TDRD5: variants seen among roughly 807,000 people sequenced by gnomAD.
The protein encoded by TDRD5 is tudor domain containing 5.
A neutral mutation model predicts 120.6 loss-of-function variants in TDRD5; 41 were observed. That is an observed-to-expected ratio of 0.34 (90% CI 0.26 to 0.44). The LOEUF (loss-of-function observed/expected upper bound fraction) is 0.44. Among genes scored for constraint, TDRD5 ranks in the 20% least tolerant of loss-of-function variants. The pLI is 1.00. For missense variants in TDRD5, 1,006 were observed against 1,221.2 expected, an observed-to-expected ratio of 0.82 and a Z score of 2.63; for synonymous variants, 430 against 433.7, an observed-to-expected ratio of 0.99 and a Z score of 0.11.
At position 179,619,625 on chromosome 1, in the gene TDRD5, C is replaced by CTT. The variant is rs1186767641; in HGVS notation, c.915+955_915+956dup. On this transcript the variant is annotated intron_variant, in intron 5 of 17. Transcript: ENST00000444136. ...ACTTGTTAAAGGACATTCAATATGA[C>CTT]TTTTTTTTTTTTTAAGAGACAAGGT... 2.3e-3 allele frequency among the ~76,000 whole-genome samples: 328 copies of CTT among 145,482 alleles called. 3 individuals are homozygous for CTT. Among genetic ancestry groups the CTT allele is most frequent in the African/African-American group, 7.6e-3 (304 of 39,952 alleles).
At chr1:179,614,701 T>G (rs911376736) in intron 4 of TDRD5, among the ~76,000 whole-genome samples, 1 of 152,082 alleles carries the variant, frequency 6.6e-6, no homozygotes, top group African/African-American at 2.4e-5. Flanking sequence ...GCATTTCCTT[T>G]CTGATACCTT....
At position 179,691,007 on chromosome 1, in the gene TDRD5, C is replaced by T. The variant is rs557133472; in HGVS notation, c.*64C>T. On this transcript the variant is annotated 3_prime_UTR_variant, in exon 18 of 18. Transcript: ENST00000444136. ...CTTAGGCTTTGATGAACTCCCAGGC[C>T]AAAATGAGGAGTTATTGAAGCAAAA... is the stretch of plus-strand genomic sequence containing the variant. 5 of 1,542,862 alleles carry T rather than the reference C, an allele frequency of 3.2e-6. No homozygotes were observed. Among genetic ancestry groups the T allele is most frequent in the Admixed American group, 2.1e-5 (1 of 48,690 alleles).
chr1:179,620,278 A>T (rs1214880069), intron 5 of TDRD5, among the ~76,000 whole-genome samples: 9 of 152,162 alleles, frequency 5.9e-5, no homozygotes, highest in Admixed American at 3.9e-4. Flanking sequence ...TATAAAATAT[A>T]TCTGGAAAAA....
chr1:179,668,732 A>G (rs990503518), intron 16 of TDRD5, among the ~76,000 whole-genome samples: 2 of 141,534 alleles, frequency 1.4e-5, no homozygotes, highest in South Asian at 2.2e-4. Context: ...TCTAGAGAGT[A>G]TCTAGGTTCT....
chr1:179,592,909 A>G, intron 2 of TDRD5, 62 bp downstream of exon 2: 1 of 1,498,230 alleles, frequency 6.7e-7, no homozygotes, highest in South Asian at 1.2e-5. Flanking sequence ...TTAGTAAATA[A>G]TTATTCTAGT....
intron 4 of TDRD5, among the ~76,000 whole-genome samples, chr1:179,610,339 GT>G (rs1013306892): frequency 6.6e-6 from 1 of 152,094 alleles, no homozygotes; most frequent in African/African-American, 2.4e-5. Context: ...AAACCAGCCT[GT>G]TTTTCTTCCT....
At chr1:179,612,885 G>A (rs145935898) in intron 4 of TDRD5, among the ~76,000 whole-genome samples, 1,891 of 147,806 alleles carry the variant, frequency 0.013, 53 homozygotes, top group African/African-American at 0.044. Flanking sequence ...GCAGTGAGCC[G>A]AGACTGTGCC....
chr1:179,592,293 C>T (rs2101898058), intron 1 of TDRD5, 168 bp downstream of exon 1: 1 of 295,566 alleles, frequency 3.4e-6, no homozygotes, highest in Non-Finnish European at 6.5e-6. Flanking sequence ...GTCCTGGTTC[C>T]CGAGGAGCCC....
intron 14 of TDRD5, among the ~76,000 whole-genome samples, chr1:179,658,396 C>CT (rs2102085453): frequency 6.6e-6 from 1 of 152,088 alleles, no homozygotes; most frequent in South Asian, 2.1e-4. Flanking sequence ...GGCCTGGAGA[C>CT]TTTTTTCCAG....
chr1:179,609,055 G>A (rs1488782494), intron 4 of TDRD5, among the ~76,000 whole-genome samples: 2 of 152,042 alleles, frequency 1.3e-5, no homozygotes, highest in Non-Finnish European at 2.9e-5. Flanking sequence ...ATGATGGGAT[G>A]AATAGCTTAT....
intron 9 of TDRD5, among the ~76,000 whole-genome samples, chr1:179,637,580 CTACAA>C (rs1249889811): frequency 1.6e-3 from 247 of 152,156 alleles, no homozygotes; most frequent in African/African-American, 5.7e-3. Flanking sequence ...GACCCTGTAT[CTACAA>C]AAGAATTAAA....
intron 12 of TDRD5, among the ~76,000 whole-genome samples, chr1:179,651,641 T>C (rs4652431): frequency 1 from 151,904 of 152,330 alleles, 75,744 homozygotes; most frequent in Middle Eastern, 1. Context: ...AGGCTGGGCG[T>C]GGTGGCTCAC....
At chr1:179,599,478 TA>T (rs1675577912) in intron 4 of TDRD5, among the ~76,000 whole-genome samples, 1 of 152,096 alleles carries the variant, frequency 6.6e-6, no homozygotes. Flanking sequence ...AGAAAGGTTT[TA>T]AACAACAAAT....
chr1:179,626,163 T>G (rs1677119794), intron 6 of TDRD5, among the ~76,000 whole-genome samples: 1 of 151,942 alleles, frequency 6.6e-6, no homozygotes, highest in Non-Finnish European at 1.5e-5. Context: ...TGTATACATA[T>G]GTAACTAACC....
intron 14 of TDRD5, among the ~76,000 whole-genome samples, chr1:179,656,680 C>T (rs1318488143): frequency 2.6e-5 from 4 of 152,334 alleles, no homozygotes; most frequent in African/African-American, 9.6e-5. Context: ...ATATTCTTCT[C>T]CAGTGACCTA....
rs1218773254 is a variant in TDRD5, at chr1:179,641,854, G to A, written c.1800+1409G>A. On this transcript the variant is annotated intron_variant, in intron 11 of 17. Coordinates refer to ENST00000444136, the MANE Select transcript of TDRD5 (RefSeq NM_001199085.3). ...TTCTTTATTGTTTGACATTCAAACT[G>A]ATTCTGATTTTTGACTGTTAGAAAC... Among the ~76,000 whole-genome samples, 5 of 152,282 alleles carry A rather than the reference G, an allele frequency of 3.3e-5. No homozygotes were observed. In the East Asian group the frequency reaches 9.6e-4, roughly 29 times the overall value.
At chr1:179,640,114 G>T in intron 10 of TDRD5, 63 bp downstream of exon 10, 1 of 1,552,072 alleles carries the variant, frequency 6.4e-7, no homozygotes, top group Non-Finnish European at 8.8e-7. Context: ...TTGAAGCTCT[G>T]TGGGGTTGGG....
At chr1:179,648,905 A>G (rs1359564034) in intron 11 of TDRD5, among the ~76,000 whole-genome samples, 8 of 152,138 alleles carry the variant, frequency 5.3e-5, no homozygotes, top group Non-Finnish European at 1.2e-4. Flanking sequence ...ATTTTATTTA[A>G]TGAGGGTCAG....
chr1:179,612,949 A>T (rs911761654), intron 4 of TDRD5, among the ~76,000 whole-genome samples: 2 of 151,584 alleles, frequency 1.3e-5, no homozygotes, highest in African/African-American at 4.8e-5. Context: ...AAAAAAAAAA[A>T]AAAAAAAGAG....
Sources: gnomAD v4.1 joint callset for allele counts (sites outside exome capture counted in the v4.1 genomes callset) on GRCh38, gnomAD v4.1.1 for gene constraint, MANE v1.5 for transcripts, NCBI Gene and HGNC (gene_info 2026-07-23, HGNC 2026-07-21) for gene names.